The following ANK3 variants were observed in gnomAD, a reference collection of about 807,000 sequenced individuals.
ANK3 encodes the protein ankyrin 3.
In ANK3, 57 loss-of-function variants were observed where a neutral mutation model predicts 370.9. The ratio of observed to expected loss-of-function variants is 0.15; its 90% CI spans 0.12 to 0.19. The LOEUF (loss-of-function observed/expected upper bound fraction) is 0.19. ANK3 is among the 10% of genes least tolerant of loss of function. The pLI, the probability that ANK3 is intolerant of heterozygous loss-of-function variation, is 1.00. For missense variants in ANK3, 4,439 were observed against 5,302.1 expected, an observed-to-expected ratio of 0.84 and a Z score of 5.06; for synonymous variants, 1,929 against 1,946.3, an observed-to-expected ratio of 0.99 and a Z score of 0.23.
chr10:60,597,709 C>A (rs2078007509), intron 2 of ANK3, among the ~76,000 whole-genome samples: 2 of 152,130 alleles, frequency 1.3e-5, no homozygotes, highest in African/African-American at 2.4e-5. Context: ...TTTGTTCAAG[C>A]AATGTAATCA....
At chr10:60,453,246 G>A (rs774406274) in intron 2 of ANK3, among the ~76,000 whole-genome samples, 2 of 152,088 alleles carry the variant, frequency 1.3e-5, no homozygotes, top group Non-Finnish European at 1.5e-5. Flanking sequence ...GTAGCTTCGA[G>A]GACTGAATTG....
At chr10:60,309,419 C>T (rs1490555518) in intron 1 of ANK3, among the ~76,000 whole-genome samples, 1 of 152,136 alleles carries the variant, frequency 6.6e-6, no homozygotes, top group Non-Finnish European at 1.5e-5. Context: ...ATATTCTTAG[C>T]TAGATGAACT....
intron 9 of ANK3, among the ~76,000 whole-genome samples, chr10:60,210,940 C>T (rs190217910): frequency 1.3e-4 from 20 of 152,198 alleles, no homozygotes; most frequent in Admixed American, 5.2e-4. Context: ...TGTAAATCCC[C>T]CCACAATAAC....
intron 28 of ANK3, among the ~76,000 whole-genome samples, chr10:60,091,373 G>A (rs564782519): frequency 1.3e-5 from 2 of 152,290 alleles, no homozygotes; most frequent in African/African-American, 2.4e-5. Context: ...ACCATGTAGA[G>A]CACTGATCTA....
At chr10:60,103,737 G>A (rs1188167432) in intron 28 of ANK3, among the ~76,000 whole-genome samples, 1 of 152,100 alleles carries the variant, frequency 6.6e-6, no homozygotes, top group Non-Finnish European at 1.5e-5. Context: ...GATTCTTTAA[G>A]CCTGGAAGTA....
intron 38 of ANK3, among the ~76,000 whole-genome samples, chr10:60,065,989 G>A (rs1054467760): frequency 4.0e-5 from 6 of 151,384 alleles, no homozygotes; most frequent in East Asian, 3.9e-4. Flanking sequence ...ATTATAAAAC[G>A]TTCTTGTTTT....
At chr10:60,082,792 T>C (rs2085597924) in intron 33 of ANK3, 55 bp from the exon 34 acceptor site, 2 of 1,578,246 alleles carry the variant, frequency 1.3e-6, no homozygotes, top group Admixed American at 1.8e-5. Context: ...TGAGGATTTT[T>C]AACTGTATAA....
chr10:60,283,504 G>T (rs1427473061), intron 1 of ANK3, among the ~76,000 whole-genome samples: 4 of 152,146 alleles, frequency 2.6e-5, no homozygotes, highest in Admixed American at 1.3e-4. Flanking sequence ...TAAGGAATTA[G>T]TTGCACAAAA....
chr10:60,653,113 T>A (rs1287621858), intron 1 of ANK3, among the ~76,000 whole-genome samples: 2 of 152,154 alleles, frequency 1.3e-5, no homozygotes, highest in Non-Finnish European at 2.9e-5. Context: ...ATTTTCTGTT[T>A]TCTTAATATT....
In ANK3 at chr10:60,269,411, C is replaced by T. The variant is rs532656456; in HGVS notation, c.513+720G>A. ...TTGTAATCCCAGCACTTTGAGAGGCCGAGGCGGGTGGATCACGCGGTCAGG... is the reference window on the plus strand; with the variant it reads ...TTGTAATCCCAGCACTTTGAGAGGCTGAGGCGGGTGGATCACGCGGTCAGG... On this transcript the variant is annotated intron_variant, in intron 5 of 43. Coordinates refer to ENST00000280772, the MANE Select transcript of ANK3 (RefSeq NM_020987.5). 5.3e-5 allele frequency among the ~76,000 whole-genome samples: 8 copies of T among 151,998 alleles called. No individual in the cohort carries two copies. In the East Asian group the frequency reaches 5.8e-4, roughly 11 times the overall value.
At chr10:60,322,650 G>C (rs1478000712) in intron 1 of ANK3, among the ~76,000 whole-genome samples, 1 of 152,042 alleles carries the variant, frequency 6.6e-6, no homozygotes, top group East Asian at 1.9e-4. Flanking sequence ...TTTTTTGTGT[G>C]TTTAATGTAT....
intron 1 of ANK3, among the ~76,000 whole-genome samples, chr10:60,352,976 T>C (rs932021393): frequency 1.3e-5 from 2 of 151,724 alleles, no homozygotes; most frequent in Admixed American, 6.6e-5. Context: ...ATAGGAGGTG[T>C]GAATTTTTTG....
At chr10:60,242,288 A>G (rs2097476351) in intron 7 of ANK3, among the ~76,000 whole-genome samples, 1 of 152,230 alleles carries the variant, frequency 6.6e-6, no homozygotes, top group Admixed American at 6.5e-5. Flanking sequence ...TAAAAATTCA[A>G]TATATTCCTT....
At chr10:60,354,279 C>T (rs1389870495) in intron 1 of ANK3, among the ~76,000 whole-genome samples, 1 of 151,948 alleles carries the variant, frequency 6.6e-6, no homozygotes, top group Non-Finnish European at 1.5e-5. Flanking sequence ...AGATGCATGG[C>T]ACATCTGCCA....
intron 4 of ANK3, among the ~76,000 whole-genome samples, chr10:60,271,235 T>C (rs2097976438): frequency 6.6e-6 from 1 of 152,022 alleles, no homozygotes; most frequent in South Asian, 2.1e-4. Context: ...ATCAAAATAA[T>C]AATAATAATA....
At chr10:60,430,316 A>T (rs568387080) in intron 2 of ANK3, among the ~76,000 whole-genome samples, 1 of 152,208 alleles carries the variant, frequency 6.6e-6, no homozygotes, top group East Asian at 1.9e-4. Context: ...GTACCCTGTA[A>T]TATCTGCCTT....
chr10:60,432,068 G>T (rs1045542915), intron 2 of ANK3, among the ~76,000 whole-genome samples: 1 of 152,162 alleles, frequency 6.6e-6, no homozygotes, highest in Non-Finnish European at 1.5e-5. Context: ...TCTGATGGCT[G>T]TTTGCCATCC....
chr10:60,658,016 C>CTTTTTTTTTTT (rs34249629), intron 1 of ANK3, among the ~76,000 whole-genome samples: 1 of 141,386 alleles, frequency 7.1e-6, no homozygotes, highest in Non-Finnish European at 1.5e-5. Context: ...GCCATTCCAA[C>CTTTTTTTTTTT]TTTTTTTTTT....
intron 1 of ANK3, among the ~76,000 whole-genome samples, chr10:60,338,805 C>T (rs1594087072): frequency 6.6e-6 from 1 of 152,190 alleles, no homozygotes; most frequent in South Asian, 2.1e-4. Context: ...GGAGTTTAAT[C>T]CCACATCTGT....
Sources: gnomAD v4.1 joint callset for allele counts (sites outside exome capture counted in the v4.1 genomes callset) on GRCh38, gnomAD v4.1.1 for gene constraint, MANE v1.5 for transcripts, NCBI Gene and HGNC (gene_info 2026-07-23, HGNC 2026-07-21) for gene names.